Variants in PRKACB observed in about 807,000 individuals in gnomAD.
The protein encoded by PRKACB is cAMP-dependent protein kinase catalytic subunit beta.
PRKACB carries 16 observed loss-of-function variants against 51.4 expected under a neutral mutation model. The ratio of observed to expected loss-of-function variants is 0.31; its 90% CI spans 0.21 to 0.47. The LOEUF (loss-of-function observed/expected upper bound fraction) is 0.47, where lower values mean the gene tolerates loss of function less well. Among genes scored for constraint, PRKACB ranks in the 20% least tolerant of loss-of-function variants. The pLI is 1.00. For synonymous variants in PRKACB, 147 were observed against 154.4 expected, an observed-to-expected ratio of 0.95 and a Z score of 0.35; for missense variants, 309 against 464.5, an observed-to-expected ratio of 0.67 and a Z score of 3.08.
intron 1 of PRKACB, among the ~76,000 whole-genome samples, chr1:84,160,371 A>G (rs1222095714): frequency 2.0e-5 from 3 of 151,334 alleles, no homozygotes; most frequent in Non-Finnish European, 4.4e-5. Context: ...AATCCTTTTA[A>G]TTTATCTAGC....
chr1:84,233,303 C>G (rs1042794616), intron 9 of PRKACB, among the ~76,000 whole-genome samples: 2 of 151,716 alleles, frequency 1.3e-5, no homozygotes, highest in Admixed American at 6.6e-5. Flanking sequence ...TGATGGGCTT[C>G]CCTTTGAGGG....
intron 1 of PRKACB, among the ~76,000 whole-genome samples, chr1:84,159,830 T>C (rs1321290159): frequency 6.6e-6 from 1 of 152,150 alleles, no homozygotes; most frequent in South Asian, 2.1e-4. Context: ...CTTCTGCATA[T>C]ATTGAGATGA....
At chr1:84,176,129 A>T (rs1661172453) in intron 1 of PRKACB, among the ~76,000 whole-genome samples, 1 of 151,838 alleles carries the variant, frequency 6.6e-6, no homozygotes, top group Admixed American at 6.6e-5. Flanking sequence ...AAACCATCAT[A>T]ATAATTTAAG....
chr1:84,182,411 T>C (rs1270744861), intron 3 of PRKACB, 83 bp downstream of exon 3: 1 of 1,092,790 alleles, frequency 9.2e-7, no homozygotes, highest in African/African-American at 1.6e-5. Flanking sequence ...GTATAATGAC[T>C]TACCATTGAC....
intron 9 of PRKACB, among the ~76,000 whole-genome samples, chr1:84,232,996 T>C (rs1370187654): frequency 6.6e-6 from 1 of 152,068 alleles, no homozygotes; most frequent in Non-Finnish European, 1.5e-5. Flanking sequence ...TTGATGCAGT[T>C]TCTTCATAGT....
intron 1 of PRKACB, among the ~76,000 whole-genome samples, chr1:84,170,134 G>T (rs1484521118): frequency 1.3e-5 from 2 of 151,544 alleles, no homozygotes; most frequent in Non-Finnish European, 3.0e-5. Flanking sequence ...GCTGTAAGGG[G>T]AAGCATACTT....
rs1354829181 is a variant in PRKACB at position 84,175,863 on chromosome 1, G to GA, written c.188-3308dup. Reference sequence around the variant, plus strand: ...ATAGACTATTTAAATCATACAAACAGAAAAAATATATAATTGAAAATGTAT... The same window carrying GA: ...ATAGACTATTTAAATCATACAAACAGAAAAAAATATATAATTGAAAATGTAT... On this transcript the variant is annotated intron_variant, in intron 1 of 9. Transcript: ENST00000370685. 2.3e-6 allele frequency: 3 copies of GA among 1,281,682 alleles called. No homozygotes were observed. The Admixed American group carries it at 9.0e-5, about 38-fold the overall frequency. 79.4% of individuals were successfully genotyped at this position (1,281,682 alleles called of 1,614,324 possible).
At chr1:84,232,181 C>T (rs1675803585) in intron 9 of PRKACB, among the ~76,000 whole-genome samples, 2 of 151,884 alleles carry the variant, frequency 1.3e-5, no homozygotes, top group Non-Finnish European at 2.9e-5. Flanking sequence ...GTTATGTACC[C>T]AGTAGTCATT....
intron 1 of PRKACB, among the ~76,000 whole-genome samples, chr1:84,087,780 G>C (rs989774892): frequency 9.9e-5 from 15 of 151,992 alleles, no homozygotes; most frequent in African/African-American, 3.6e-4. Context: ...CTAATACTAA[G>C]GTTTACTACT....
upstream of PRKACB, among the ~76,000 whole-genome samples, chr1:84,143,383 G>A (rs1019672544): frequency 6.6e-5 from 10 of 152,014 alleles, no homozygotes; most frequent in African/African-American, 1.9e-4. Flanking sequence ...ACCTAGGAGC[G>A]GAGGTCGCAG....
intron 8 of PRKACB, among the ~76,000 whole-genome samples, chr1:84,212,620 G>T (rs1207118577): frequency 6.6e-6 from 1 of 152,100 alleles, no homozygotes; most frequent in Non-Finnish European, 1.5e-5. Flanking sequence ...GACTGGGGAA[G>T]CTATACCCAG....
chr1:84,094,212 A>G (rs370996672), intron 1 of PRKACB, among the ~76,000 whole-genome samples: 9 of 151,922 alleles, frequency 5.9e-5, no homozygotes, highest in African/African-American at 2.2e-4. Context: ...CCAGGCAGAA[A>G]ATTTTTAAGA....
intron 1 of PRKACB, among the ~76,000 whole-genome samples, chr1:84,165,826 G>A (rs1374773568): frequency 6.6e-6 from 1 of 151,624 alleles, no homozygotes; most frequent in Non-Finnish European, 1.5e-5. Context: ...AGCATCTTTT[G>A]CTTAAATAAG....
At chr1:84,183,940 T>G (rs1664346032) in intron 3 of PRKACB, 97 bp from the exon 4 acceptor site, 1 of 1,250,292 alleles carries the variant, frequency 8.0e-7, no homozygotes, top group African/African-American at 1.6e-5. Flanking sequence ...ACAATTTTGC[T>G]TATCCAAGTT....
chr1:84,172,102 G>C (rs1387064169), intron 1 of PRKACB, among the ~76,000 whole-genome samples: 2 of 151,532 alleles, frequency 1.3e-5, no homozygotes, highest in African/African-American at 4.8e-5. Flanking sequence ...AAATTTTGTT[G>C]AGGATATAGA....
At chr1:84,188,590 A>G (rs1665869602) in intron 5 of PRKACB, among the ~76,000 whole-genome samples, 1 of 151,876 alleles carries the variant, frequency 6.6e-6, no homozygotes, top group African/African-American at 2.4e-5. Context: ...AATAACGTTA[A>G]TTTCTCTGAA....
At chr1:84,118,868 T>A (rs1459593298) in intron 1 of PRKACB, among the ~76,000 whole-genome samples, 1 of 152,178 alleles carries the variant, frequency 6.6e-6, no homozygotes, top group Non-Finnish European at 1.5e-5. Flanking sequence ...CCAAAAGTAG[T>A]TGACATATGT....
At chr1:84,210,315 A>G (rs976735764) in intron 8 of PRKACB, among the ~76,000 whole-genome samples, 5 of 152,186 alleles carry the variant, frequency 3.3e-5, no homozygotes, top group African/African-American at 7.2e-5. Flanking sequence ...CACCTCTTTT[A>G]TGTTGTACAA....
intron 5 of PRKACB, among the ~76,000 whole-genome samples, chr1:84,187,757 A>C (rs1293242967): frequency 6.6e-6 from 1 of 152,108 alleles, no homozygotes; most frequent in Admixed American, 6.6e-5. Flanking sequence ...TTTAGAAAAA[A>C]CTTTTTTCTC....
Sources: gnomAD v4.1 joint callset for allele counts (sites outside exome capture counted in the v4.1 genomes callset) on GRCh38, gnomAD v4.1.1 for gene constraint, MANE v1.5 for transcripts, NCBI Gene and HGNC (gene_info 2026-07-23, HGNC 2026-07-21) for gene names.